SUCLG2: variants seen among roughly 807,000 people sequenced by gnomAD.
SUCLG2 encodes the protein succinate-CoA ligase GDP-forming subunit beta, also known as succinate--CoA ligase [GDP-forming] subunit beta, mitochondrial.
In SUCLG2, 42 loss-of-function variants were observed where a neutral mutation model predicts 47.9. The observed-to-expected ratio is 0.88, with a 90% confidence interval of 0.69 to 1.14. The LOEUF is 1.14. Ranked by LOEUF, SUCLG2 falls within the 50% of genes most tolerant of loss-of-function variation. The probability of loss-of-function intolerance (pLI) is 0.00; values close to 1 mark genes in which losing one functional copy is unlikely to be tolerated. For synonymous variants in SUCLG2, 195 were observed against 197.3 expected (o/e 0.99, Z 0.10); for missense variants, 571 against 525.9 (o/e 1.09, Z -0.84).
chr3:67,651,428 C>T (rs528262472), intron 1 of SUCLG2, among the ~76,000 whole-genome samples: 2 of 152,366 alleles, frequency 1.3e-5, no homozygotes, highest in Non-Finnish European at 2.9e-5. Context: ...TCTCACCTAG[C>T]TGGCTACCTT....
intron 10 of SUCLG2, chr3:67,360,897 T>C: frequency 1.3e-6 from 1 of 777,254 alleles, no homozygotes; most frequent in Non-Finnish European, 1.9e-6. Flanking sequence ...TACTGATTCT[T>C]CTCCCACTGG....
At chr3:67,391,544 G>A (rs1017977855) in intron 10 of SUCLG2, among the ~76,000 whole-genome samples, 3 of 152,118 alleles carry the variant, frequency 2.0e-5, no homozygotes, top group Non-Finnish European at 4.4e-5. Context: ...GTTATGCTAG[G>A]TTCTAAGACC....
intron 1 of SUCLG2, among the ~76,000 whole-genome samples, chr3:67,642,072 T>C (rs1025033857): frequency 6.6e-6 from 1 of 152,232 alleles, no homozygotes; most frequent in Admixed American, 6.5e-5. Flanking sequence ...ATCTCTTACC[T>C]TCTATCTCCT....
intron 2 of SUCLG2, among the ~76,000 whole-genome samples, chr3:67,573,367 G>C (rs1276393904): frequency 6.6e-6 from 1 of 152,066 alleles, no homozygotes; most frequent in African/African-American, 2.4e-5. Flanking sequence ...AATTTGAAAA[G>C]GAAAAGAATA....
intron 10 of SUCLG2, among the ~76,000 whole-genome samples, chr3:67,397,349 A>C (rs1257699598): frequency 6.6e-6 from 1 of 151,286 alleles, no homozygotes; most frequent in Non-Finnish European, 1.5e-5. Context: ...ATCAATGTAC[A>C]AAAATCACAA....
intron 9 of SUCLG2, among the ~76,000 whole-genome samples, chr3:67,440,983 G>A (rs1703748583): frequency 6.6e-6 from 1 of 152,182 alleles, no homozygotes; most frequent in South Asian, 2.1e-4. Context: ...CAATCCAAAT[G>A]CCCATCAATG....
At chr3:67,599,403 T>C (rs1208252908) in intron 2 of SUCLG2, among the ~76,000 whole-genome samples, 2 of 152,190 alleles carry the variant, frequency 1.3e-5, no homozygotes, top group Admixed American at 1.3e-4. Context: ...TGACTGTGTA[T>C]GCCACAGTGA....
At chr3:67,639,625 C>T (rs1701065549) in intron 1 of SUCLG2, among the ~76,000 whole-genome samples, 1 of 152,036 alleles carries the variant, frequency 6.6e-6, no homozygotes, top group Admixed American at 6.6e-5. Flanking sequence ...ACTCTCTTGC[C>T]CCTAACTACA....
intron 1 of SUCLG2, among the ~76,000 whole-genome samples, chr3:67,610,254 C>G (rs988944044): frequency 2.6e-5 from 4 of 152,154 alleles, no homozygotes; most frequent in African/African-American, 9.7e-5. Flanking sequence ...CTCTTTCATC[C>G]ACCAAGGTTG....
At chr3:67,538,142 C>T (rs1330830210) in intron 2 of SUCLG2, among the ~76,000 whole-genome samples, 1 of 152,160 alleles carries the variant, frequency 6.6e-6, no homozygotes, top group Admixed American at 6.5e-5. Flanking sequence ...GAAGTCTCTG[C>T]CCATGCCTAT....
chr3:67,392,899 T>G (rs1475913722), intron 10 of SUCLG2, among the ~76,000 whole-genome samples: 1 of 152,014 alleles, frequency 6.6e-6, no homozygotes, highest in Non-Finnish European at 1.5e-5. Context: ...GCTGCAGCCT[T>G]GAACTCCTGG....
intron 7 of SUCLG2, 104 bp from the exon 8 acceptor site, chr3:67,498,399 A>AT (rs35624985): frequency 8.8e-5 from 107 of 1,219,748 alleles, no homozygotes; most frequent in Middle Eastern, 2.3e-4. Flanking sequence ...AAGTACTGTC[A>AT]TTTTTTTTCA....
At chr3:67,593,454 C>T (rs1469420127) in intron 2 of SUCLG2, among the ~76,000 whole-genome samples, 1 of 152,176 alleles carries the variant, frequency 6.6e-6, no homozygotes, top group East Asian at 1.9e-4. Flanking sequence ...TAACACATCC[C>T]CAATGCCTTT....
chr3:67,602,286 C>T (rs140842715), intron 2 of SUCLG2, among the ~76,000 whole-genome samples: 23 of 152,260 alleles, frequency 1.5e-4, no homozygotes, highest in Non-Finnish European at 2.8e-4. Context: ...AAGAATTAAT[C>T]CTTGCTTTAG....
intron 7 of SUCLG2, among the ~76,000 whole-genome samples, chr3:67,501,987 A>G (rs1012051640): frequency 1.3e-5 from 2 of 152,224 alleles, no homozygotes; most frequent in African/African-American, 4.8e-5. Context: ...GAGCCATTCT[A>G]GTAAATGATG....
intron 1 of SUCLG2, among the ~76,000 whole-genome samples, chr3:67,629,908 C>T (rs1463274465): frequency 6.6e-6 from 1 of 152,184 alleles, no homozygotes; most frequent in Non-Finnish European, 1.5e-5. Context: ...TTATACCACA[C>T]ATTACATGCT....
chr3:67,569,024 T>TA (rs138800120), intron 2 of SUCLG2, among the ~76,000 whole-genome samples: 2,343 of 152,332 alleles, frequency 0.015, 55 homozygotes, highest in African/African-American at 0.052. Flanking sequence ...ATTAGAAACA[T>TA]ATTTAGGAAC....
chr3:67,372,373 G>C (rs1050779289), downstream of SUCLG2, among the ~76,000 whole-genome samples: 12 of 146,072 alleles, frequency 8.2e-5, no homozygotes, highest in Non-Finnish European at 1.4e-4. Flanking sequence ...GTAATGTGGT[G>C]GGGATCAAGT....
chr3:67,499,589 T>C (rs891340304), intron 7 of SUCLG2, among the ~76,000 whole-genome samples: 3 of 152,130 alleles, frequency 2.0e-5, no homozygotes, highest in Non-Finnish European at 2.9e-5. Flanking sequence ...CTCCTATACA[T>C]ACAATCAGGG....
Sources: gnomAD v4.1 joint callset for allele counts (sites outside exome capture counted in the v4.1 genomes callset) on GRCh38, gnomAD v4.1.1 for gene constraint, MANE v1.5 for transcripts, NCBI Gene and HGNC (gene_info 2026-07-23, HGNC 2026-07-21) for gene names.